The following ANTXR1 variants were observed in gnomAD, a reference collection of about 807,000 sequenced individuals.
ANTXR1 encodes the protein anthrax toxin receptor 1.
Under a neutral mutation model 78.1 loss-of-function variants are expected in ANTXR1, and 19 were observed. That is an observed-to-expected ratio of 0.24 (90% CI 0.17 to 0.36). The LOEUF (loss-of-function observed/expected upper bound fraction) is 0.36. Ranked by LOEUF, ANTXR1 falls within the 10% of genes least tolerant of loss-of-function variation. The pLI is 1.00. For synonymous variants in ANTXR1, 273 were observed against 260.5 expected (o/e 1.05, Z -0.46); for missense variants, 518 against 718.6 (o/e 0.72, Z 3.19).
chr2:69,203,573 T>C (rs1674824325), intron 17 of ANTXR1, among the ~76,000 whole-genome samples: 1 of 152,188 alleles, frequency 6.6e-6, no homozygotes, highest in African/African-American at 2.4e-5. Context: ...CTTTCTCCCA[T>C]GGTAGGAACT....
intron 3 of ANTXR1, among the ~76,000 whole-genome samples, chr2:69,048,712 G>T (rs1669847362): frequency 6.6e-6 from 1 of 152,012 alleles, no homozygotes; most frequent in African/African-American, 2.4e-5. Flanking sequence ...TTCTATAGTT[G>T]GATCACATTG....
rs565236461 is a variant in ANTXR1, at chr2:69,142,943, T to C, written c.952-9226T>C. ...GGATTTCATGGACCCCCTGAAATGG[T>C]AATAAAAAACGTGTGAGCCTGTGCA... On this transcript the variant is annotated intron_variant, in intron 12 of 17. Transcript: ENST00000303714. Among the ~76,000 whole-genome samples, 4 of 152,208 alleles carry C rather than the reference T, an allele frequency of 2.6e-5. No homozygotes were observed. The South Asian group carries it at 8.3e-4, about 32-fold the overall frequency.
At chr2:69,168,309 C>T (rs1046581490) in intron 13 of ANTXR1, among the ~76,000 whole-genome samples, 1 of 152,216 alleles carries the variant, frequency 6.6e-6, no homozygotes, top group Non-Finnish European at 1.5e-5. Flanking sequence ...CACATGATCG[C>T]TCATGATGAC....
chr2:69,165,443 A>G (rs1286597530), intron 13 of ANTXR1, among the ~76,000 whole-genome samples: 1 of 152,240 alleles, frequency 6.6e-6, no homozygotes, highest in African/African-American at 2.4e-5. Context: ...TTCTCATGCC[A>G]TGAGATGAGC....
intron 8 of ANTXR1, among the ~76,000 whole-genome samples, chr2:69,078,681 T>C (rs1558522664): frequency 6.6e-6 from 1 of 152,204 alleles, no homozygotes; most frequent in African/African-American, 2.4e-5. Flanking sequence ...ATGACTTACA[T>C]CATAGGCTTG....
rs1310788907 is a variant in ANTXR1, at chr2:69,172,389, A to T, written c.1089+2100A>T. ...CAGGAAAATAAAATAAAATAACAAG[A>T]AGAAGAAAGAAAGAAATCCCACAGA... On this transcript the variant is annotated intron_variant, in intron 14 of 17. Coordinates refer to ENST00000303714, the MANE Select transcript of ANTXR1 (RefSeq NM_032208.3). 2.5e-6 allele frequency: 4 copies of T among 1,611,520 alleles called. No individual in the cohort carries two copies. In the African/African-American group the frequency reaches 5.3e-5, roughly 22 times the overall value.
rs369048882 is a variant in ANTXR1 at position 69,077,484 on chromosome 2, A to G, written c.638A>G (p.His213Arg). The change falls in exon 8 of 18, where the codon CAC becomes CGC. Residue 213 changes from histidine to arginine, a missense_variant. His to Arg is a conservative substitution (Grantham distance 29). Around this residue, in one of 5 missense-constraint regions of ANTXR1, gnomAD observed 264 missense variants for 391.8 expected, o/e 0.67. Transcript: ENST00000303714. ...DGFQALQGII[H>R]SILKKSCIEI... ...TTTCAGGCTCTGCAAGGCATCATCC[A>G]CTCAGTAAGTAGAGCTCTTCCTCTG... 6.8e-6 allele frequency: 11 copies of G among 1,613,834 alleles called. No homozygotes were observed. The highest frequency in any genetic ancestry group is 9.3e-6 in the Non-Finnish European group (11 of 1,179,984).
intron 14 of ANTXR1, among the ~76,000 whole-genome samples, chr2:69,171,820 C>T (rs1451622562): frequency 1.3e-5 from 2 of 152,166 alleles, no homozygotes; most frequent in Non-Finnish European, 2.9e-5. Flanking sequence ...AACTAGAAAA[C>T]CATCTAGGAA....
intron 3 of ANTXR1, among the ~76,000 whole-genome samples, chr2:69,050,268 C>T (rs1172061963): frequency 6.6e-6 from 1 of 152,062 alleles, no homozygotes; most frequent in Non-Finnish European, 1.5e-5. Context: ...CAATACACTC[C>T]AGCCTGGGCA....
In ANTXR1 at chr2:69,193,003, T is replaced by A. The variant is rs139546382; in HGVS notation, c.1354-332T>A. Among the ~76,000 whole-genome samples, 166 of 152,316 alleles carry A rather than the reference T, an allele frequency of 1.1e-3. 2 individuals carry two copies. The highest frequency in any genetic ancestry group is 3.8e-3 in the African/African-American group (158 of 41,562). Reference sequence around the variant, plus strand: ...AAAACTTTAGTGAAATTTGGAAAGATTGACTTGTGGTCTGAGGATATGCCC... The same window carrying A: ...AAAACTTTAGTGAAATTTGGAAAGAATGACTTGTGGTCTGAGGATATGCCC... On this transcript the variant is annotated intron_variant, in intron 16 of 17. Coordinates refer to ENST00000303714, the MANE Select transcript of ANTXR1 (RefSeq NM_032208.3).
At chr2:69,187,363 C>T (rs184559279) in intron 16 of ANTXR1, among the ~76,000 whole-genome samples, 1 of 151,906 alleles carries the variant, frequency 6.6e-6, no homozygotes, top group African/African-American at 2.4e-5. Flanking sequence ...TGGAGCTGAC[C>T]ATTTCAGACA....
intron 13 of ANTXR1, among the ~76,000 whole-genome samples, chr2:69,160,630 C>T (rs1346909904): frequency 6.6e-6 from 1 of 152,036 alleles, no homozygotes; most frequent in Non-Finnish European, 1.5e-5. Flanking sequence ...GCAATCATAC[C>T]CTGCAAGTAT....
At chr2:69,075,161 C>T (rs951314893) in intron 6 of ANTXR1, among the ~76,000 whole-genome samples, 7 of 152,148 alleles carry the variant, frequency 4.6e-5, no homozygotes, top group African/African-American at 1.7e-4. Flanking sequence ...CCCCAAAACA[C>T]AATACAGAGT....
intron 2 of ANTXR1, 146 bp from the exon 3 acceptor site, chr2:69,044,596 C>CA: frequency 1.3e-6 from 1 of 791,524 alleles, no homozygotes; most frequent in East Asian, 2.6e-5. Context: ...TCAACACCCG[C>CA]AGCACCAGCC....
intron 10 of ANTXR1, among the ~76,000 whole-genome samples, chr2:69,104,509 A>C (rs1049637818): frequency 1.3e-5 from 2 of 152,322 alleles, no homozygotes; most frequent in South Asian, 4.1e-4. Flanking sequence ...GAGTAGTCAC[A>C]GTGTGAAAGT....
chr2:69,045,529 G>T (rs748449795), intron 3 of ANTXR1, among the ~76,000 whole-genome samples: 3 of 152,076 alleles, frequency 2.0e-5, no homozygotes, highest in Non-Finnish European at 4.4e-5. Flanking sequence ...AGCACCATGG[G>T]GAACACATGT....
rs140301443 is a variant in ANTXR1, at chr2:69,213,843, A to G, written c.1434+20428A>G. Among the ~76,000 whole-genome samples the G allele has an allele frequency of 2.4e-3, 366 of 152,408 alleles. 1 individual carries two copies. Among genetic ancestry groups the G allele is most frequent in the Non-Finnish European group, 3.6e-3 (247 of 68,044 alleles). On this transcript the variant is annotated intron_variant, in intron 17 of 17. Coordinates refer to ENST00000303714, the MANE Select transcript of ANTXR1 (RefSeq NM_032208.3). ...ACGCCAGGAGGCCTGGGTTCCAGTC[A>G]ACATTCCCTGTGACTTTTACAAGTC...
intron 12 of ANTXR1, among the ~76,000 whole-genome samples, chr2:69,129,520 G>A (rs868055399): frequency 2.0e-5 from 3 of 152,116 alleles, no homozygotes; most frequent in Admixed American, 1.3e-4. Context: ...TTCAGAGATT[G>A]AGGCGGGCAG....
chr2:69,227,890 A>G (rs1422234759), intron 17 of ANTXR1, among the ~76,000 whole-genome samples: 3 of 152,222 alleles, frequency 2.0e-5, no homozygotes, highest in Non-Finnish European at 4.4e-5. Flanking sequence ...ACACTAGGTC[A>G]AGCTCAGCAT....
Sources: gnomAD v4.1 joint callset for allele counts (sites outside exome capture counted in the v4.1 genomes callset) on GRCh38, gnomAD v4.1.1 for gene constraint, gnomAD v4.1.1 regional missense constraint, MANE v1.5 for transcripts, NCBI Gene and HGNC (gene_info 2026-07-23, HGNC 2026-07-21) for gene names.